Variants in FTCDNL1 observed in about 807,000 individuals in gnomAD.
FTCDNL1 encodes the protein formiminotransferase cyclodeaminase N-terminal like, also known as formiminotransferase N-terminal subdomain-containing protein.
A neutral mutation model predicts 5.9 loss-of-function variants in FTCDNL1; 11 were observed. The observed-to-expected ratio is 1.87, with a 90% CI of 1.18 to 3.10. The LOEUF (loss-of-function observed/expected upper bound fraction) is 3.10, where lower values mean the gene tolerates loss of function less well. Among genes scored for constraint, FTCDNL1 ranks in the 30% most tolerant of loss-of-function variants. The pLI is 0.00. For missense variants in FTCDNL1, 115 were observed against 65.5 expected (o/e 1.76, Z -2.61); for synonymous variants, 58 against 24.8 (o/e 2.34, Z -3.99).
chr2:199,676,342 T>A, the FTCDNL1 span, among the ~76,000 whole-genome samples: 1 of 152,080 alleles, frequency 6.6e-6, no homozygotes, highest in East Asian at 1.9e-4. Flanking sequence ...CCTATTGAGT[T>A]CTCAATAAAT....
chr2:199,741,439 T>C, the FTCDNL1 span, among the ~76,000 whole-genome samples: 1 of 152,228 alleles, frequency 6.6e-6, no homozygotes, highest in African/African-American at 2.4e-5. Context: ...AGCACCACCA[T>C]GCTTTTTAAA....
At chr2:199,737,721 A>G in the FTCDNL1 span, among the ~76,000 whole-genome samples, 1 of 152,122 alleles carries the variant, frequency 6.6e-6, no homozygotes, top group Non-Finnish European at 1.5e-5. Context: ...AAGGCCCCAC[A>G]CTTGGTTTAA....
the FTCDNL1 span, among the ~76,000 whole-genome samples, chr2:199,684,505 C>A: frequency 6.6e-6 from 1 of 152,122 alleles, no homozygotes; most frequent in African/African-American, 2.4e-5. Flanking sequence ...GGACTGAATT[C>A]TGTGCAATTT....
downstream of FTCDNL1, among the ~76,000 whole-genome samples, chr2:199,757,660 C>T (rs553244870): frequency 6.6e-6 from 1 of 152,252 alleles, no homozygotes; most frequent in South Asian, 2.1e-4. Flanking sequence ...GCAAACCAGC[C>T]CAGCCACTTG....
chr2:199,769,419 T>C (rs902869353), intron 3 of FTCDNL1, among the ~76,000 whole-genome samples: 1 of 152,192 alleles, frequency 6.6e-6, no homozygotes, highest in Non-Finnish European at 1.5e-5. Context: ...CAAGTCCTCT[T>C]GCCTGCCACC....
At chr2:199,823,910 G>GAAAC (rs1701854215) in intron 3 of FTCDNL1, among the ~76,000 whole-genome samples, 1 of 152,182 alleles carries the variant, frequency 6.6e-6, no homozygotes, top group Non-Finnish European at 1.5e-5. Flanking sequence ...ACTCCTAGAT[G>GAAAC]GCCTCTTCTT....
At chr2:199,760,709 G>A (rs754751955) in exon 4 of FTCDNL1, 3 of 688,486 alleles carry the variant, frequency 4.4e-6, no homozygotes, top group Non-Finnish European at 8.0e-6. Context: ...GAATTAAATG[G>A]TACTGTGTGT....
At position 199,802,097 on chromosome 2, in the gene FTCDNL1, T is replaced by A. The variant is rs569980524; in HGVS notation, c.212-41262A>T. 2.6e-5 allele frequency among the ~76,000 whole-genome samples: 4 copies of A among 152,232 alleles called. No homozygotes were observed. In the East Asian group the frequency reaches 5.8e-4, roughly 22 times the overall value. On this transcript the variant is annotated intron_variant, in intron 3 of 3. Transcript: ENST00000416668. ...CTGCCACTCATCATGAAAGGACATA[T>A]AACAAAGAAATAGAGGTGGGAAGAG...
chr2:199,844,362 C>T, intron 3 of FTCDNL1: 1 of 517,590 alleles, frequency 1.9e-6, no homozygotes. Context: ...GAACACATAA[C>T]CCCAAACTTT....
chr2:199,792,277 G>C (rs1357781845), intron 3 of FTCDNL1, among the ~76,000 whole-genome samples: 1 of 152,098 alleles, frequency 6.6e-6, no homozygotes, highest in Non-Finnish European at 1.5e-5. Flanking sequence ...AGAAATAATT[G>C]ATACTAGATT....
chr2:199,726,207 C>G, the FTCDNL1 span, among the ~76,000 whole-genome samples: 1 of 152,102 alleles, frequency 6.6e-6, no homozygotes, highest in Non-Finnish European at 1.5e-5. Context: ...TGCATTGTGA[C>G]GTTCTCGTGT....
At chr2:199,680,432 T>C in the FTCDNL1 span, among the ~76,000 whole-genome samples, 1 of 152,114 alleles carries the variant, frequency 6.6e-6, no homozygotes, top group Non-Finnish European at 1.5e-5. Flanking sequence ...AAAGGGCAAC[T>C]AAGACAGAGA....
chr2:199,829,508 T>C (rs1005629266), intron 3 of FTCDNL1, among the ~76,000 whole-genome samples: 3 of 152,204 alleles, frequency 2.0e-5, no homozygotes, highest in African/African-American at 7.2e-5. Context: ...AAGTTTAGGC[T>C]TCATATTCAT....
chr2:199,665,520 C>A, the FTCDNL1 span, among the ~76,000 whole-genome samples: 1 of 151,212 alleles, frequency 6.6e-6, no homozygotes, highest in Non-Finnish European at 1.5e-5. Context: ...GTAATCCCAA[C>A]TATTCAGGAG....
At chr2:199,713,104 CTTCTT>C in the FTCDNL1 span, among the ~76,000 whole-genome samples, 83 of 152,192 alleles carry the variant, frequency 5.5e-4, no homozygotes, top group African/African-American at 2.0e-3. Context: ...CTTCATTTTT[CTTCTT>C]TTCATCACAT....
At chr2:199,737,576 T>G in the FTCDNL1 span, among the ~76,000 whole-genome samples, 3 of 152,212 alleles carry the variant, frequency 2.0e-5, no homozygotes, top group African/African-American at 7.2e-5. Flanking sequence ...ACCAGAACTC[T>G]TCCTGTGTTG....
chr2:199,688,001 C>G, the FTCDNL1 span, among the ~76,000 whole-genome samples: 2 of 152,016 alleles, frequency 1.3e-5, no homozygotes, highest in African/African-American at 4.8e-5. Context: ...AATCCCAGCA[C>G]TTTGGGAGGC....
At chr2:199,681,723 T>G in the FTCDNL1 span, among the ~76,000 whole-genome samples, 4 of 152,208 alleles carry the variant, frequency 2.6e-5, no homozygotes, top group African/African-American at 9.6e-5. Flanking sequence ...CACAAGACTC[T>G]TAGTGATGAG....
the FTCDNL1 span, among the ~76,000 whole-genome samples, chr2:199,747,855 G>A: frequency 1.3e-5 from 2 of 152,138 alleles, no homozygotes; most frequent in Non-Finnish European, 2.9e-5. Context: ...ACATCAACAT[G>A]AGTACACTCA....
Sources: gnomAD v4.1 joint callset for allele counts (sites outside exome capture counted in the v4.1 genomes callset) on GRCh38, gnomAD v4.1.1 for gene constraint, MANE v1.5 for transcripts, NCBI Gene and HGNC (gene_info 2026-07-23, HGNC 2026-07-21) for gene names.